BFSP2: variants seen among roughly 807,000 people sequenced by gnomAD.
BFSP2 encodes beaded filament structural protein 2.
A neutral mutation model predicts 44.9 loss-of-function variants in BFSP2; 38 were observed. That is an observed-to-expected ratio of 0.85 (90% CI 0.65 to 1.11). The LOEUF is 1.11. Ranked by LOEUF, BFSP2 falls within the 50% of genes least tolerant of loss-of-function variation. BFSP2 has a pLI of 0.00. For missense variants in BFSP2, 525 were observed against 533.0 expected, an observed-to-expected ratio of 0.99 and a Z score of 0.15; for synonymous variants, 197 against 209.9, an observed-to-expected ratio of 0.94 and a Z score of 0.53.
chr3:133,433,857 C>T (rs568218912), intron 1 of BFSP2, among the ~76,000 whole-genome samples: 74 of 152,334 alleles, frequency 4.9e-4, no homozygotes, highest in African/African-American at 1.7e-3. Context: ...GGCCTGTCCT[C>T]GGAATGCTAC....
At chr3:133,403,911 A>T (rs917753400) in intron 1 of BFSP2, among the ~76,000 whole-genome samples, 2 of 152,160 alleles carry the variant, frequency 1.3e-5, no homozygotes, top group African/African-American at 4.8e-5. Flanking sequence ...CTGTGCAGAG[A>T]GTCACATCAT....
At chr3:133,473,559 A>G (rs2074186971) in intron 6 of BFSP2, among the ~76,000 whole-genome samples, 1 of 151,188 alleles carries the variant, frequency 6.6e-6, no homozygotes, top group African/African-American at 2.4e-5. Flanking sequence ...CAGCAGATAA[A>G]CAAGTGAACA....
chr3:133,474,982 T>C lies in BFSP2; in HGVS notation c.*10T>C, dbSNP rs2074201348. 1 of 1,614,070 alleles carries C rather than the reference T, an allele frequency of 6.2e-7. No individual in the cohort carries two copies. The highest frequency in any genetic ancestry group is 8.5e-7 in the Non-Finnish European group (1 of 1,180,008). On this transcript the variant is annotated 3_prime_UTR_variant, in exon 7 of 7. Coordinates refer to ENST00000302334, the MANE Select transcript of BFSP2 (RefSeq NM_003571.4). ...GTTTCCTTTCAGCTGATGGAGAAACTTCCTCTTTTTCATGAAGAAAACACC... is the reference window on the plus strand; with the variant it reads ...GTTTCCTTTCAGCTGATGGAGAAACCTCCTCTTTTTCATGAAGAAAACACC...
intron 4 of BFSP2, among the ~76,000 whole-genome samples, chr3:133,463,539 A>G (rs1318607572): frequency 6.6e-6 from 1 of 152,218 alleles, no homozygotes; most frequent in African/African-American, 2.4e-5. Flanking sequence ...GAGCATGCGC[A>G]GTGTGTTTAC....
chr3:133,446,573 TATATATATATATA>T (rs2073899849), intron 1 of BFSP2, among the ~76,000 whole-genome samples: 319 of 28,526 alleles, frequency 0.011, 100 homozygotes, highest in East Asian at 0.027. Context: ...TCACCATTTA[TATATATATATATA>T]TATATATATA....
At chr3:133,472,622 T>C in intron 6 of BFSP2, 57 bp downstream of exon 6, 1 of 1,552,930 alleles carries the variant, frequency 6.4e-7, no homozygotes, top group Non-Finnish European at 8.7e-7. Flanking sequence ...GCTTTAAAAA[T>C]AATTATTTTC....
chr3:133,460,571 A>G (rs1271804472), intron 4 of BFSP2, among the ~76,000 whole-genome samples: 9 of 152,160 alleles, frequency 5.9e-5, no homozygotes, highest in East Asian at 3.9e-4. Flanking sequence ...TTCTTTTTTA[A>G]GAATAAATAA....
At chr3:133,455,411 A>G (rs2074004791) in intron 4 of BFSP2, 1 of 151,900 alleles carries the variant, frequency 6.6e-6, no homozygotes. Context: ...GAGGTCCTCA[A>G]CTCCTAGAGG....
intron 4 of BFSP2, among the ~76,000 whole-genome samples, chr3:133,465,886 A>G (rs1348637504): frequency 1.3e-5 from 2 of 152,220 alleles, no homozygotes; most frequent in African/African-American, 4.8e-5. Context: ...AAAATAAGGG[A>G]TCAAAGCTTT....
chr3:133,420,409 G>T (rs186636877), intron 1 of BFSP2, among the ~76,000 whole-genome samples: 42 of 152,342 alleles, frequency 2.8e-4, no homozygotes, highest in Admixed American at 2.6e-3. Flanking sequence ...ACTCGAATCA[G>T]CTGGAAGAGG....
intron 1 of BFSP2, among the ~76,000 whole-genome samples, chr3:133,428,042 A>T (rs1481857196): frequency 6.6e-6 from 1 of 152,222 alleles, no homozygotes; most frequent in Non-Finnish European, 1.5e-5. Flanking sequence ...GATAGAGACA[A>T]AACCTTTAAC....
At chr3:133,416,017 CT>C (rs1314456461) in intron 1 of BFSP2, among the ~76,000 whole-genome samples, 2 of 136,382 alleles carry the variant, frequency 1.5e-5, no homozygotes, top group Non-Finnish European at 3.1e-5. Context: ...ACCCCGTCCT[CT>C]CCCCTCTACT....
rs76013122 is a variant in BFSP2 at position 133,444,556 on chromosome 3, G to C, written c.490-2761G>C. ...AAGAGAGGGATAATGTGCCACAGGGGTGGGCTGTGACTCAGATGCAGGAAC... is the reference window on the plus strand; with the variant it reads ...AAGAGAGGGATAATGTGCCACAGGGCTGGGCTGTGACTCAGATGCAGGAAC... On this transcript the variant is annotated intron_variant, in intron 1 of 6. Transcript: ENST00000302334. 9.0e-3 allele frequency among the ~76,000 whole-genome samples: 1,376 copies of C among 152,186 alleles called. 26 individuals are homozygous for C. Among genetic ancestry groups the C allele is most frequent in the African/African-American group, 0.031 (1,284 of 41,506 alleles).
At chr3:133,403,111 C>T (rs1331800527) in intron 1 of BFSP2, among the ~76,000 whole-genome samples, 2 of 152,176 alleles carry the variant, frequency 1.3e-5, no homozygotes, top group East Asian at 3.8e-4. Context: ...CACCCCTTTC[C>T]AGGCCTAGAG....
intron 1 of BFSP2, among the ~76,000 whole-genome samples, chr3:133,424,222 T>TGTGTGTGTGTG (rs1553778829): frequency 1.8e-5 from 2 of 108,940 alleles, no homozygotes; most frequent in African/African-American, 8.3e-5. Flanking sequence ...ATTTTTTTTT[T>TGTGTGTGTGTG]TTTTTTTTTT....
intron 4 of BFSP2, among the ~76,000 whole-genome samples, chr3:133,462,495 C>G (rs1448345724): frequency 6.6e-6 from 1 of 152,334 alleles, no homozygotes; most frequent in East Asian, 1.9e-4. Context: ...TACACTAGAC[C>G]TGCACACCAA....
chr3:133,439,246 T>A (rs2073821259), intron 1 of BFSP2, among the ~76,000 whole-genome samples: 1 of 152,256 alleles, frequency 6.6e-6, no homozygotes, highest in Non-Finnish European at 1.5e-5. Context: ...AAAATGTGAA[T>A]TCTGCTTCTC....
intron 4 of BFSP2, among the ~76,000 whole-genome samples, chr3:133,451,244 T>A (rs1203332243): frequency 6.6e-6 from 1 of 152,046 alleles, no homozygotes. Flanking sequence ...AACCTACCTA[T>A]GTGCAGTAAA....
chr3:133,416,102 C>T (rs553856868), intron 1 of BFSP2, among the ~76,000 whole-genome samples: 38 of 145,932 alleles, frequency 2.6e-4, no homozygotes, highest in African/African-American at 8.9e-4. Flanking sequence ...CCTGCTATGT[C>T]CCATCTACTC....
Sources: allele counts gnomAD v4.1 joint callset (sites outside exome capture counted in the v4.1 genomes callset), GRCh38; gene constraint gnomAD v4.1.1; transcripts MANE v1.5; gene names NCBI Gene and HGNC (gene_info 2026-07-23, HGNC 2026-07-21).